Variants in DNER observed in about 807,000 individuals in gnomAD.
DNER encodes delta/notch like EGF repeat containing.
Under a neutral mutation model 78.2 loss-of-function variants are expected in DNER, and 33 were observed. The observed-to-expected ratio is 0.42, with a 90% CI of 0.32 to 0.56. DNER has a LOEUF of 0.56. Among genes scored for constraint, DNER ranks in the 20% least tolerant of loss-of-function variants. The probability of loss-of-function intolerance (pLI) is 0.11; values close to 1 mark genes in which losing one functional copy is unlikely to be tolerated. For missense variants in DNER, 918 were observed against 975.3 expected (o/e 0.94, Z 0.78); for synonymous variants, 417 against 384.8 (o/e 1.08, Z -0.98).
intron 4 of DNER, among the ~76,000 whole-genome samples, chr2:229,576,272 G>T (rs1334806853): frequency 6.6e-6 from 1 of 151,174 alleles, no homozygotes; most frequent in South Asian, 2.1e-4. Context: ...CCCAGAGCAG[G>T]GTATCTTAGA....
intron 6 of DNER, among the ~76,000 whole-genome samples, chr2:229,497,704 A>G (rs1193768282): frequency 6.6e-6 from 1 of 152,152 alleles, no homozygotes. Context: ...AACAAATTGG[A>G]TAACCAAGAA....
At chr2:229,373,117 A>G (rs1692523579) in intron 11 of DNER, among the ~76,000 whole-genome samples, 1 of 152,220 alleles carries the variant, frequency 6.6e-6, no homozygotes, top group Non-Finnish European at 1.5e-5. Context: ...TAATTAAACT[A>G]AAGAGCACAG....
chr2:229,485,389 A>C (rs1695249063), intron 6 of DNER, among the ~76,000 whole-genome samples: 1 of 152,246 alleles, frequency 6.6e-6, no homozygotes, highest in Admixed American at 6.5e-5. Flanking sequence ...CCATTTCATC[A>C]GTGGGTGTTC....
At chr2:229,562,929 CCATCATCATCAA>C (rs1559167620) in intron 4 of DNER, among the ~76,000 whole-genome samples, 1 of 151,406 alleles carries the variant, frequency 6.6e-6, no homozygotes, top group Non-Finnish European at 1.5e-5. Flanking sequence ...TATCCCATCA[CCATCATCATCAA>C]CATCATCATC....
intron 8 of DNER, among the ~76,000 whole-genome samples, chr2:229,432,237 G>T (rs1318267579): frequency 6.6e-6 from 1 of 152,016 alleles, no homozygotes; most frequent in East Asian, 1.9e-4. Flanking sequence ...CATAAAAATG[G>T]CTGGTTTATA....
intron 6 of DNER, among the ~76,000 whole-genome samples, chr2:229,486,224 A>G (rs1695268618): frequency 6.6e-6 from 1 of 152,234 alleles, no homozygotes; most frequent in South Asian, 2.1e-4. Context: ...GAAAAAAACT[A>G]GTAAGATTCG....
intron 5 of DNER, among the ~76,000 whole-genome samples, chr2:229,545,493 T>G (rs1696610940): frequency 6.6e-6 from 1 of 152,224 alleles, no homozygotes; most frequent in African/African-American, 2.4e-5. Context: ...GAGAAACGCT[T>G]GAACCCAGAA....
intron 3 of DNER, 45 bp downstream of exon 3, chr2:229,588,349 G>T (rs1184302090): frequency 6.3e-7 from 1 of 1,581,538 alleles, no homozygotes; most frequent in Non-Finnish European, 8.7e-7. Context: ...CCACTTATAG[G>T]TCATAGCATC....
chr2:229,642,976 C>A (rs73093602), intron 1 of DNER, among the ~76,000 whole-genome samples: 4,259 of 152,210 alleles, frequency 0.028, 204 homozygotes, highest in African/African-American at 0.097. Flanking sequence ...GCAGGCCCAG[C>A]ACTTTGGGAG....
intron 1 of DNER, among the ~76,000 whole-genome samples, chr2:229,597,320 A>C (rs774146662): frequency 1.3e-5 from 2 of 152,240 alleles, no homozygotes; most frequent in Non-Finnish European, 2.9e-5. Context: ...AATTCATAAC[A>C]GCATATATAA....
At chr2:229,586,346 A>G (rs1390132793) in intron 3 of DNER, among the ~76,000 whole-genome samples, 2 of 151,676 alleles carry the variant, frequency 1.3e-5, no homozygotes, top group Non-Finnish European at 2.9e-5. Context: ...AATTTGTCAT[A>G]AACGTGGACT....
chr2:229,520,421 C>T (rs1197697840), intron 5 of DNER, among the ~76,000 whole-genome samples: 1 of 152,148 alleles, frequency 6.6e-6, no homozygotes, highest in Non-Finnish European at 1.5e-5. Context: ...CCCCCCAGGC[C>T]AATTTTGATT....
At chr2:229,460,777 A>G (rs1694682154) in intron 7 of DNER, among the ~76,000 whole-genome samples, 1 of 152,128 alleles carries the variant, frequency 6.6e-6, no homozygotes, top group Non-Finnish European at 1.5e-5. Context: ...TGAAATTTTG[A>G]GTCAAAACTA....
chr2:229,593,512 C>A (rs894135217), intron 1 of DNER, among the ~76,000 whole-genome samples: 1 of 152,122 alleles, frequency 6.6e-6, no homozygotes, highest in Non-Finnish European at 1.5e-5. Context: ...GTGAGCTGCA[C>A]GAATTCAGGT....
intron 1 of DNER, among the ~76,000 whole-genome samples, chr2:229,649,282 T>C (rs781558249): frequency 6.6e-5 from 10 of 152,336 alleles, no homozygotes; most frequent in South Asian, 2.1e-4. Flanking sequence ...ATACCAAAGA[T>C]TGACTGCAAA....
Position 229,465,805 on chromosome 2 carries a change from A to G in DNER, c.1261+11335T>C, listed in dbSNP as rs114723187. On this transcript the variant is annotated intron_variant, in intron 7 of 12. Transcript: ENST00000341772. ...TCAGCAGAGATTCGAAAGGCAGGGA[A>G]GGAAAACATGTCATCTGCATTTTAG... 2.6e-3 allele frequency among the ~76,000 whole-genome samples: 394 copies of G among 152,244 alleles called. 5 individuals are homozygous for G. The highest frequency in any genetic ancestry group is 8.9e-3 in the African/African-American group (371 of 41,550).
At chr2:229,450,389 T>A (rs1260087100) in intron 7 of DNER, among the ~76,000 whole-genome samples, 1 of 151,986 alleles carries the variant, frequency 6.6e-6, no homozygotes, top group African/African-American at 2.4e-5. Flanking sequence ...AGTAGAAGAG[T>A]TAATATTAAA....
At chr2:229,602,271 T>C (rs1383988757) in intron 1 of DNER, among the ~76,000 whole-genome samples, 3 of 152,202 alleles carry the variant, frequency 2.0e-5, no homozygotes, top group African/African-American at 7.2e-5. Context: ...AAAAAACTCT[T>C]ATTAAATTTA....
At chr2:229,364,608 C>T (rs1692298903) in intron 12 of DNER, among the ~76,000 whole-genome samples, 1 of 152,096 alleles carries the variant, frequency 6.6e-6, no homozygotes, top group African/African-American at 2.4e-5. Context: ...AGACTGGGTG[C>T]AGCTCCCACC....
Sources: allele counts gnomAD v4.1 joint callset (sites outside exome capture counted in the v4.1 genomes callset), GRCh38; gene constraint gnomAD v4.1.1; transcripts MANE v1.5; gene names NCBI Gene and HGNC (gene_info 2026-07-23, HGNC 2026-07-21).